The following RBFOX1 variants were observed in gnomAD, a reference collection of about 807,000 sequenced individuals.
The protein encoded by RBFOX1 is RNA binding fox-1 homolog 1, also known as RNA binding protein fox-1 homolog 1.
A neutral mutation model predicts 57.7 loss-of-function variants in RBFOX1; 8 were observed. The observed-to-expected ratio is 0.14, with a 90% CI of 0.08 to 0.25. RBFOX1 has a LOEUF of 0.25. RBFOX1 is among the 10% of genes least tolerant of loss of function. The probability of loss-of-function intolerance (pLI) is 1.00; values close to 1 mark genes in which losing one functional copy is unlikely to be tolerated. For synonymous variants in RBFOX1, 326 were observed against 222.4 expected (o/e 1.47, Z -4.15); for missense variants, 611 against 548.5 (o/e 1.11, Z -1.14).
chr16:6,969,310 C>T (rs764046726), intron 3 of RBFOX1, among the ~76,000 whole-genome samples: 12 of 152,044 alleles, frequency 7.9e-5, no homozygotes, highest in Non-Finnish European at 1.6e-4. Flanking sequence ...CTATTTAGTG[C>T]GGGGTCAGGA....
At chr16:7,454,645 A>T (rs779737469) in intron 4 of RBFOX1, among the ~76,000 whole-genome samples, 1 of 152,252 alleles carries the variant, frequency 6.6e-6, no homozygotes, top group African/African-American at 2.4e-5. Context: ...GACTCTATCT[A>T]CAGGATAGCA....
rs1185396081 is a variant in RBFOX1 at position 7,256,172 on chromosome 16, G to T, written c.27+204074G>T. ...AATGTAAATCCGTGACCTATTTTCA[G>T]TCGAGGCGAGAAGCTGGAGATGGTA... On this transcript the variant is annotated intron_variant, in intron 4 of 15. Transcript: ENST00000550418. Among the ~76,000 whole-genome samples the T allele has an allele frequency of 4.6e-5, 7 of 152,186 alleles. No individual in the cohort carries two copies. In the East Asian group the frequency reaches 1.2e-3, roughly 25 times the overall value.
intron 3 of RBFOX1, among the ~76,000 whole-genome samples, chr16:5,761,875 G>A (rs2053607354): frequency 6.6e-6 from 1 of 152,088 alleles, no homozygotes; most frequent in Non-Finnish European, 1.5e-5. Flanking sequence ...AATCATCCTA[G>A]GTCTGGTCCT....
chr16:6,708,287 AACAC>A (rs138742593), intron 3 of RBFOX1, among the ~76,000 whole-genome samples: 3 of 143,014 alleles, frequency 2.1e-5, no homozygotes, highest in Non-Finnish European at 4.7e-5. Flanking sequence ...AGCATTTTTG[AACAC>A]ACACACACAC....
intron 4 of RBFOX1, among the ~76,000 whole-genome samples, chr16:7,229,572 G>T (rs2093356619): frequency 7.1e-6 from 1 of 140,928 alleles, no homozygotes; most frequent in African/African-American, 2.8e-5. Context: ...GGGAGGGAGG[G>T]GAAGGAGAAA....
At chr16:6,665,293 C>T (rs1322850321) in intron 3 of RBFOX1, among the ~76,000 whole-genome samples, 3 of 151,978 alleles carry the variant, frequency 2.0e-5, no homozygotes, top group Middle Eastern at 3.2e-3. Flanking sequence ...GGATGGGGTC[C>T]AGCTAAATGA....
At chr16:5,590,257 A>G (rs887040912) in intron 2 of RBFOX1, among the ~76,000 whole-genome samples, 19 of 152,324 alleles carry the variant, frequency 1.2e-4, no homozygotes, top group African/African-American at 4.3e-4. Context: ...AAGAGGGGAA[A>G]AAAAACCGAG....
At position 6,421,837 on chromosome 16, in the gene RBFOX1, C is replaced by T. The variant is rs1220468009; in HGVS notation, c.-64+104780C>T. 2.0e-5 allele frequency among the ~76,000 whole-genome samples: 3 copies of T among 148,058 alleles called. No individual in the cohort carries two copies. The East Asian group carries it at 5.8e-4, about 29-fold the overall frequency. On this transcript the variant is annotated intron_variant, in intron 2 of 15. Coordinates refer to ENST00000550418, the MANE Select transcript of RBFOX1 (RefSeq NM_018723.4). ...TCAGACTCCGTCTTATGCTAAAAGA[C>T]CTCCCCCCTCCTCAGTCACAAATCC...
chr16:5,471,336 G>A, intron 2 of RBFOX1, among the ~76,000 whole-genome samples: 1 of 152,196 alleles, frequency 6.6e-6, no homozygotes, highest in East Asian at 1.9e-4. Flanking sequence ...CTCTACAGTT[G>A]AGATGTTTTT....
chr16:5,909,928 C>T (rs1465507231), intron 4 of RBFOX1, among the ~76,000 whole-genome samples: 1 of 152,072 alleles, frequency 6.6e-6, no homozygotes, highest in African/African-American at 2.4e-5. Flanking sequence ...TGGCAGGCAC[C>T]TGTAATCCCA....
intron 1 of RBFOX1, among the ~76,000 whole-genome samples, chr16:6,210,406 G>A: frequency 6.8e-6 from 1 of 147,008 alleles, no homozygotes; most frequent in Non-Finnish European, 1.5e-5. Context: ...AAGAAGGAAG[G>A]GGAAAGAAAG....
chr16:5,634,071 C>A (rs1207398830), intron 3 of RBFOX1, among the ~76,000 whole-genome samples: 1 of 152,180 alleles, frequency 6.6e-6, no homozygotes, highest in African/African-American at 2.4e-5. Flanking sequence ...TCATTAGTTG[C>A]AGTTTCTGAG....
At chr16:6,824,515 A>G (rs947277327) in intron 3 of RBFOX1, among the ~76,000 whole-genome samples, 1 of 152,166 alleles carries the variant, frequency 6.6e-6, no homozygotes, top group African/African-American at 2.4e-5. Context: ...TTCATTTTTT[A>G]AAAATTAACA....
intron 3 of RBFOX1, among the ~76,000 whole-genome samples, chr16:7,033,751 T>G (rs1292773952): frequency 6.6e-6 from 1 of 152,130 alleles, no homozygotes; most frequent in East Asian, 1.9e-4. Flanking sequence ...CCCAGCACTT[T>G]GGGAGCGTGA....
chr16:6,533,499 C>T (rs1248200251), intron 2 of RBFOX1, among the ~76,000 whole-genome samples: 3 of 152,182 alleles, frequency 2.0e-5, no homozygotes, highest in Non-Finnish European at 4.4e-5. Flanking sequence ...CTTGACACAG[C>T]CTCCAGGGAT....
At chr16:7,088,770 T>C (rs1273305756) in intron 4 of RBFOX1, among the ~76,000 whole-genome samples, 7 of 152,216 alleles carry the variant, frequency 4.6e-5, no homozygotes, top group Non-Finnish European at 1.0e-4. Context: ...GTCCTTGCTC[T>C]GTGATTTCAG....
rs1357624195 is a variant in RBFOX1 at position 6,450,799 on chromosome 16, ATG to A, written c.-64+133744_-64+133745del. Among the ~76,000 whole-genome samples, 61 of 12,522 alleles carry A rather than the reference ATG, an allele frequency of 4.9e-3. 5 individuals are homozygous for A. The highest frequency in any genetic ancestry group is 0.014 in the South Asian group (6 of 416). The allele number at this position is 12,522 out of a possible 152,430, so 8.2% of individuals were successfully genotyped here. ...TATATATATATATATACATATATAT[ATG>A]TATATATATATATATACATATATAT... is the stretch of plus-strand genomic sequence containing the variant. On this transcript the variant is annotated intron_variant, in intron 2 of 15. Transcript: ENST00000550418.
At chr16:7,403,334 G>A (rs75569311) in intron 4 of RBFOX1, among the ~76,000 whole-genome samples, 1 of 152,006 alleles carries the variant, frequency 6.6e-6, no homozygotes, top group South Asian at 2.1e-4. Flanking sequence ...CTAGAATTCA[G>A]TCATCTTGGA....
chr16:6,873,853 A>G (rs190933520), intron 3 of RBFOX1: 63 of 152,320 alleles, frequency 4.1e-4, no homozygotes, highest in African/African-American at 1.4e-3. Flanking sequence ...AGTAACTTGC[A>G]TAAAGTCAGA....
Sources: gnomAD v4.1 joint callset for allele counts (sites outside exome capture counted in the v4.1 genomes callset) on GRCh38, gnomAD v4.1.1 for gene constraint, MANE v1.5 for transcripts, NCBI Gene and HGNC (gene_info 2026-07-23, HGNC 2026-07-21) for gene names.